The following VSTM2B variants were observed in gnomAD, a reference collection of about 807,000 sequenced individuals.
VSTM2B encodes V-set and transmembrane domain containing 2B.
In VSTM2B, 24 loss-of-function variants were observed where a neutral mutation model predicts 24.0. That is an observed-to-expected ratio of 1.00 (90% CI 0.72 to 1.40). The LOEUF (loss-of-function observed/expected upper bound fraction) is 1.40. Among genes scored for constraint, VSTM2B ranks in the 40% most tolerant of loss-of-function variants. The pLI, the probability that VSTM2B is intolerant of heterozygous loss-of-function variation, is 0.00. For synonymous variants in VSTM2B, 226 were observed against 194.4 expected, an observed-to-expected ratio of 1.16 and a Z score of -1.35; for missense variants, 399 against 416.4, an observed-to-expected ratio of 0.96 and a Z score of 0.36.
chr19:29,536,392 G>T (rs1265011147), intron 4 of VSTM2B, among the ~76,000 whole-genome samples: 1 of 152,186 alleles, frequency 6.6e-6, no homozygotes, highest in African/African-American at 2.4e-5. Context: ...GCTTTCAGAT[G>T]CCCCCTCTCT....
chr19:29,562,345 C>T (rs1970548511), intron 4 of VSTM2B, among the ~76,000 whole-genome samples: 1 of 152,196 alleles, frequency 6.6e-6, no homozygotes, highest in African/African-American at 2.4e-5. Flanking sequence ...GAGAGCTGTG[C>T]ATTCAGGCCC....
chr19:29,544,513 G>A lies in VSTM2B; in HGVS notation c.769+14223G>A, dbSNP rs372572029. ...TGCACTCCAGCCTGGGCGAAAGAGC[G>A]AGACTCTGTCTCAAAAAAAAAAAAA... is the stretch of plus-strand genomic sequence containing the variant. On this transcript the variant is annotated intron_variant, in intron 4 of 4. Transcript: ENST00000335523. Among the ~76,000 whole-genome samples the A allele has an allele frequency of 3.8e-3, 395 of 102,936 alleles. 3 individuals carry two copies. The highest frequency in any genetic ancestry group is 0.014 in the African/African-American group (361 of 25,306). 67.5% of individuals were successfully genotyped at this position (102,936 alleles called of 152,430 possible).
At chr19:29,549,206 C>G (rs1970216230) in intron 4 of VSTM2B, among the ~76,000 whole-genome samples, 1 of 152,232 alleles carries the variant, frequency 6.6e-6, no homozygotes, top group African/African-American at 2.4e-5. Context: ...AATCAGACAG[C>G]CCTCAGGTGG....
rs911974367 is a variant in VSTM2B, at chr19:29,527,406, G to C, written c.267+11G>C. On this transcript the variant is annotated intron_variant, in intron 2 of 4. Transcript: ENST00000335523. ...GGCGCCCGGAGCAAGGTAACCCGCC[G>C]CCCACGCGGTACCGGCGCGCGCCCG... 1 of 1,511,892 alleles carries C rather than the reference G, an allele frequency of 6.6e-7. No homozygotes were observed. The highest frequency in any genetic ancestry group is 2.6e-5 in the East Asian group (1 of 38,492). The allele number at this position is 1,511,892 out of a possible 1,614,324, so 93.7% of individuals were successfully genotyped here. A position where few individuals can be genotyped will look rare whatever the true frequency, so the allele number is the denominator to read the frequency against.
intron 4 of VSTM2B, among the ~76,000 whole-genome samples, chr19:29,544,301 C>A (rs552530343): frequency 6.6e-6 from 1 of 151,202 alleles, no homozygotes; most frequent in Non-Finnish European, 1.5e-5. Flanking sequence ...CCGAGGCAGG[C>A]GGATCACGAG....
chr19:29,546,018 G>A (rs764359844), intron 4 of VSTM2B, among the ~76,000 whole-genome samples: 25 of 152,188 alleles, frequency 1.6e-4, no homozygotes, highest in Non-Finnish European at 2.8e-4. Context: ...GATGCAGTGA[G>A]GGGGAGGGTT....
At chr19:29,527,141 C>T in intron 1 of VSTM2B, 70 bp from the exon 2 acceptor site, 1 of 1,367,390 alleles carries the variant, frequency 7.3e-7, no homozygotes, top group Non-Finnish European at 1.0e-6. Flanking sequence ...AGACCGACTG[C>T]CTCGCTTTAG....
At chr19:29,549,533 T>C (rs12979272) in intron 4 of VSTM2B, among the ~76,000 whole-genome samples, 13 of 46,360 alleles carry the variant, frequency 2.8e-4, no homozygotes, top group Admixed American at 8.1e-4. Flanking sequence ...AGAACCCTGA[T>C]GCTGGCCCCA....
At chr19:29,557,006 A>G (rs1970424656) in intron 4 of VSTM2B, among the ~76,000 whole-genome samples, 1 of 152,188 alleles carries the variant, frequency 6.6e-6, no homozygotes, top group South Asian at 2.1e-4. Context: ...TACCATTGAC[A>G]TGCTTCACAG....
intron 3 of VSTM2B, 68 bp from the exon 4 acceptor site, chr19:29,529,751 G>T (rs1036435750): frequency 4.8e-6 from 7 of 1,464,626 alleles, no homozygotes; most frequent in Middle Eastern, 1.8e-4. Context: ...GGGGCGCGAC[G>T]GCCAGGGTGG....
chr19:29,536,178 A>G (rs1368458), intron 4 of VSTM2B, among the ~76,000 whole-genome samples: 48,296 of 152,080 alleles, frequency 0.32, 8,333 homozygotes, highest in East Asian at 0.43. Context: ...CGCTTGCCAT[A>G]AGGGGGAACC....
At chr19:29,553,789 A>G (rs1449859704) in intron 4 of VSTM2B, among the ~76,000 whole-genome samples, 1 of 152,228 alleles carries the variant, frequency 6.6e-6, no homozygotes, top group Non-Finnish European at 1.5e-5. Context: ...ACAAATATCA[A>G]TAGCCGAATT....
At chr19:29,545,215 G>T (rs1970123461) in intron 4 of VSTM2B, among the ~76,000 whole-genome samples, 1 of 152,148 alleles carries the variant, frequency 6.6e-6, no homozygotes, top group African/African-American at 2.4e-5. Context: ...GCAGGCAGGG[G>T]TGCGGGGAGA....
At chr19:29,528,598 C>T (rs35111102) in intron 3 of VSTM2B, 136 bp downstream of exon 3, 75,951 of 1,117,616 alleles carry the variant, frequency 0.068, 3,525 homozygotes, top group African/African-American at 0.2. Context: ...AGCCTTGCAT[C>T]GGTGGCTGCT....
intron 4 of VSTM2B, 75 bp downstream of exon 4, chr19:29,530,365 G>T: frequency 3.0e-6 from 4 of 1,332,114 alleles, no homozygotes; most frequent in South Asian, 3.2e-5. Flanking sequence ...GCCCCGGGGG[G>T]CTCCGGACCC....
chr19:29,531,820 A>C (rs1185475060), intron 4 of VSTM2B, among the ~76,000 whole-genome samples: 1 of 152,246 alleles, frequency 6.6e-6, no homozygotes, highest in Non-Finnish European at 1.5e-5. Flanking sequence ...ATTCAAATTT[A>C]ATATTCCTCG....
intron 4 of VSTM2B, among the ~76,000 whole-genome samples, chr19:29,560,022 T>G (rs1030650668): frequency 6.6e-6 from 1 of 152,216 alleles, no homozygotes; most frequent in Non-Finnish European, 1.5e-5. Context: ...TCTAGAGGGA[T>G]GTCCACTAGG....
chr19:29,528,031 C>T (rs145720900), intron 2 of VSTM2B, among the ~76,000 whole-genome samples: 177 of 152,342 alleles, frequency 1.2e-3, no homozygotes, highest in African/African-American at 4.0e-3. Context: ...CTGAGCCTCC[C>T]GCTGGGTGCT....
chr19:29,531,996 C>T (rs1969772233), intron 4 of VSTM2B, among the ~76,000 whole-genome samples: 2 of 152,150 alleles, frequency 1.3e-5, no homozygotes, highest in Non-Finnish European at 2.9e-5. Context: ...CAGAAGCAGC[C>T]CTTGTCAGCT....
Sources: gnomAD v4.1 joint callset for allele counts (sites outside exome capture counted in the v4.1 genomes callset) on GRCh38, gnomAD v4.1.1 for gene constraint, MANE v1.5 for transcripts, NCBI Gene and HGNC (gene_info 2026-07-23, HGNC 2026-07-21) for gene names.